ZNF420: variants seen among roughly 807,000 people sequenced by gnomAD.
ZNF420 encodes zinc finger protein 420.
ZNF420 carries 31 observed loss-of-function variants against 44.7 expected under a neutral mutation model. The observed-to-expected ratio is 0.69, with a 90% CI of 0.52 to 0.94. The LOEUF (loss-of-function observed/expected upper bound fraction) is 0.94. Ranked by LOEUF, ZNF420 falls within the 40% of genes least tolerant of loss-of-function variation. The pLI is 0.00. For missense variants in ZNF420, 681 were observed against 827.9 expected (o/e 0.82, Z 2.18); for synonymous variants, 245 against 267.4 (o/e 0.92, Z 0.82).
At chr19:37,118,543 G>A (rs12978604) in intron 4 of ZNF420, among the ~76,000 whole-genome samples, 2,763 of 151,888 alleles carry the variant, frequency 0.018, 68 homozygotes, top group East Asian at 0.047. Flanking sequence ...CATCAAGGCT[G>A]GGAAGAAACT....
chr19:37,129,218 C>A lies in ZNF420; in HGVS notation c.*160C>A, dbSNP rs994969917. The A allele has an allele frequency of 9.1e-6, 8 of 880,118 alleles. No homozygotes were observed. Among genetic ancestry groups the A allele is most frequent in the South Asian group, 1.8e-5 (1 of 54,188 alleles). The allele number at this position is 880,118 out of a possible 1,614,324, so 54.5% of individuals were successfully genotyped here. A position where few individuals can be genotyped will look rare whatever the true frequency, so the allele number is the denominator to read the frequency against. On this transcript the variant is annotated 3_prime_UTR_variant, in exon 5 of 5. Coordinates refer to ENST00000337995, the MANE Select transcript of ZNF420 (RefSeq NM_144689.5). ...TAGTGTCATTCATATAGAAAAACAT[C>A]ATTACTGGAAACCTATTAAACATTA...
chr19:37,022,051 A>G (rs1022346848), intron 1 of ZNF420, among the ~76,000 whole-genome samples: 2 of 151,578 alleles, frequency 1.3e-5, no homozygotes, highest in African/African-American at 2.4e-5. Flanking sequence ...AATTATTACT[A>G]ATTTTCTTAT....
rs1568482455 is a variant in ZNF420, at chr19:37,127,833, G to T, written c.842G>T (p.Cys281Phe). Residue 281 changes from cysteine to phenylalanine, a missense_variant, in exon 5 of 5, where the codon TGT becomes TTT. Coordinates refer to ENST00000337995, the MANE Select transcript of ZNF420 (RefSeq NM_144689.5). ...RLHTGEKLYECKECRKVFTQL... is the reference protein window; with the variant it reads ...RLHTGEKLYEFKECRKVFTQL... ...CATACTGGTGAAAAGCTCTATGAATGTAAAGAATGTAGGAAGGTCTTTACT... is the reference window on the plus strand; with the variant it reads ...CATACTGGTGAAAAGCTCTATGAATTTAAAGAATGTAGGAAGGTCTTTACT... 1 of 1,613,940 alleles carries T rather than the reference G, an allele frequency of 6.2e-7. No individual in the cohort carries two copies. Among genetic ancestry groups the T allele is most frequent in the Non-Finnish European group, 8.5e-7 (1 of 1,179,954 alleles).
chr19:37,120,053 G>C (rs1406359658), intron 4 of ZNF420, among the ~76,000 whole-genome samples: 2 of 152,138 alleles, frequency 1.3e-5, no homozygotes, highest in Non-Finnish European at 2.9e-5. Context: ...ACAAGGAGGA[G>C]CTGGTACCAT....
At chr19:37,110,976 A>T (rs1439367772) in intron 4 of ZNF420, among the ~76,000 whole-genome samples, 1 of 152,228 alleles carries the variant, frequency 6.6e-6, no homozygotes, top group Non-Finnish European at 1.5e-5. Context: ...GGCTTGTCTA[A>T]CTTGTTCCTT....
chr19:37,114,666 A>G (rs10419643), intron 4 of ZNF420, among the ~76,000 whole-genome samples: 84,929 of 151,930 alleles, frequency 0.56, 25,244 homozygotes, highest in African/African-American at 0.75. Context: ...GCTCTGCTAC[A>G]TATTTACAAT....
chr19:37,093,247 G>T (rs1969256652), intron 4 of ZNF420: 1 of 152,118 alleles, frequency 6.6e-6, no homozygotes, highest in Non-Finnish European at 1.5e-5. Flanking sequence ...ACTCACGACA[G>T]AGTCTTGCTC....
chr19:37,015,356 C>A (rs1023831368), intron 1 of ZNF420, among the ~76,000 whole-genome samples: 1 of 152,096 alleles, frequency 6.6e-6, no homozygotes. Context: ...ATCTCCCCAC[C>A]CCGGGGAGCC....
intron 1 of ZNF420, among the ~76,000 whole-genome samples, chr19:37,071,269 A>G (rs1426611734): frequency 2.6e-5 from 4 of 152,238 alleles, no homozygotes; most frequent in Non-Finnish European, 5.9e-5. Context: ...GATTATAGCT[A>G]CACTACTTAA....
intron 1 of ZNF420, among the ~76,000 whole-genome samples, chr19:37,029,453 A>G (rs1967212310): frequency 6.6e-6 from 1 of 152,092 alleles, no homozygotes; most frequent in Non-Finnish European, 1.5e-5. Context: ...CTTTTCTCTC[A>G]TGCACTCCAG....
At position 37,021,092 on chromosome 19, in the gene ZNF420, C is replaced by G. The variant is rs530882242; in HGVS notation, c.-125+13010C>G. Reference sequence around the variant, plus strand: ...AGGAGGAAAATAACCCAGCCAAAATCATGAGCAAAAGACGTGTAAACCAGG... The same window carrying G: ...AGGAGGAAAATAACCCAGCCAAAATGATGAGCAAAAGACGTGTAAACCAGG... On this transcript the variant is annotated intron_variant, in intron 1 of 4. Coordinates refer to the ZNF420 transcript ENST00000587029. Among the ~76,000 whole-genome samples the G allele has an allele frequency of 3.3e-5, 5 of 152,256 alleles. No individual in the cohort carries two copies. In the East Asian group the frequency reaches 7.7e-4, roughly 24 times the overall value.
At chr19:37,027,430 T>C (rs1356981906) in intron 1 of ZNF420, among the ~76,000 whole-genome samples, 1 of 152,218 alleles carries the variant, frequency 6.6e-6, no homozygotes, top group Admixed American at 6.5e-5. Flanking sequence ...ATTAATATTA[T>C]TAAGTTCATG....
At chr19:37,111,439 T>C (rs1970382417) in intron 4 of ZNF420, 1 of 152,246 alleles carries the variant, frequency 6.6e-6, no homozygotes, top group African/African-American at 2.4e-5. Flanking sequence ...TTCTTATTTC[T>C]ATTTTTTGTG....
intron 4 of ZNF420, among the ~76,000 whole-genome samples, chr19:37,099,814 G>A (rs935623926): frequency 1.2e-4 from 18 of 152,018 alleles, no homozygotes; most frequent in Non-Finnish European, 1.8e-4. Context: ...TAGTAGAGAC[G>A]GTGTTTCACT....
chr19:37,087,299 AAATAAATAAATAAATAAAT>A (rs1968865290), intron 2 of ZNF420, among the ~76,000 whole-genome samples: 1 of 117,910 alleles, frequency 8.5e-6, no homozygotes, highest in African/African-American at 4.3e-5. Context: ...AAAAATAAAT[AAATAAATAAATAAATAAAT>A]AAATAAATAA....
chr19:37,109,216 A>G (rs1970255698), intron 4 of ZNF420, among the ~76,000 whole-genome samples: 1 of 152,158 alleles, frequency 6.6e-6, no homozygotes, highest in African/African-American at 2.4e-5. Flanking sequence ...CTTCTTCCTC[A>G]GGTTTGGCAG....
At chr19:37,062,314 A>G (rs536067755) in intron 1 of ZNF420, among the ~76,000 whole-genome samples, 1 of 152,198 alleles carries the variant, frequency 6.6e-6, no homozygotes, top group African/African-American at 2.4e-5. Flanking sequence ...AAAAGACATT[A>G]TATTTAAGAG....
At chr19:37,025,587 A>G (rs1967141001) in intron 1 of ZNF420, among the ~76,000 whole-genome samples, 2 of 151,936 alleles carry the variant, frequency 1.3e-5, no homozygotes, top group Non-Finnish European at 2.9e-5. Flanking sequence ...ACTTGTTTCT[A>G]TGGATTATCT....
At chr19:37,030,998 G>A (rs2146396920) in intron 1 of ZNF420, among the ~76,000 whole-genome samples, 1 of 152,178 alleles carries the variant, frequency 6.6e-6, no homozygotes, top group African/African-American at 2.4e-5. Context: ...GGGATTATAG[G>A]TGCCCCCCCA....
Sources: allele counts gnomAD v4.1 joint callset (sites outside exome capture counted in the v4.1 genomes callset), GRCh38; gene constraint gnomAD v4.1.1; transcripts MANE v1.5; gene names NCBI Gene and HGNC (gene_info 2026-07-23, HGNC 2026-07-21).